Variants in TENM3 observed in about 807,000 individuals in gnomAD.
TENM3 encodes the protein teneurin-3.
A neutral mutation model predicts 255.1 loss-of-function variants in TENM3; 63 were observed. The ratio of observed to expected loss-of-function variants is 0.25; its 90% confidence interval spans 0.20 to 0.30. The LOEUF (loss-of-function observed/expected upper bound fraction) is 0.30. Ranked by LOEUF, TENM3 falls within the 10% of genes least tolerant of loss-of-function variation. TENM3 has a pLI of 1.00. For missense variants in TENM3, 2,929 were observed against 3,461.1 expected (o/e 0.85, Z 3.86); for synonymous variants, 1,306 against 1,322.3 (o/e 0.99, Z 0.27).
chr4:181,528,113 T>G, the TENM3 span, among the ~76,000 whole-genome samples: 3 of 152,154 alleles, frequency 2.0e-5, no homozygotes, highest in Non-Finnish European at 2.9e-5. Context: ...GAAATTATTT[T>G]GTCAAATGAA....
intron 1 of TENM3, among the ~76,000 whole-genome samples, chr4:182,313,092 C>G (rs1263498372): frequency 6.6e-6 from 1 of 151,656 alleles, no homozygotes; most frequent in African/African-American, 2.4e-5. Flanking sequence ...GTAAATTAAC[C>G]TTATTATCTT....
chr4:182,239,403 C>G (rs1367957601), upstream of TENM3, among the ~76,000 whole-genome samples: 1 of 152,072 alleles, frequency 6.6e-6, no homozygotes, highest in Non-Finnish European at 1.5e-5. Context: ...TAGTCCCTTA[C>G]AATATTGAAA....
chr4:182,012,075 C>T, the TENM3 span, among the ~76,000 whole-genome samples: 1 of 152,180 alleles, frequency 6.6e-6, no homozygotes, highest in African/African-American at 2.4e-5. Flanking sequence ...AGTCCCCAGC[C>T]TTCATGTCAG....
the TENM3 span, among the ~76,000 whole-genome samples, chr4:182,087,750 C>T: frequency 9.2e-5 from 14 of 152,268 alleles, no homozygotes; most frequent in East Asian, 2.7e-3. Context: ...GGCCACAGGA[C>T]GTTTGACCTA....
intron 1 of TENM3, among the ~76,000 whole-genome samples, chr4:182,243,946 C>CTTTTTTTTTTTTT (rs967487689): frequency 4.5e-4 from 33 of 72,880 alleles, no homozygotes; most frequent in Admixed American, 7.7e-4. Flanking sequence ...TTTGTGTTTT[C>CTTTTTTTTTTTTT]TTTTTTTTTT....
intron 3 of TENM3, among the ~76,000 whole-genome samples, chr4:182,509,923 G>A (rs1466693180): frequency 9.2e-6 from 1 of 109,016 alleles, no homozygotes; most frequent in African/African-American, 3.3e-5. Flanking sequence ...GACAACAAGA[G>A]CAAAACTCTG....
chr4:182,577,924 T>A (rs899848875), intron 3 of TENM3, among the ~76,000 whole-genome samples: 5 of 152,194 alleles, frequency 3.3e-5, no homozygotes, highest in Non-Finnish European at 5.9e-5. Flanking sequence ...TTTTTATTTT[T>A]AAGTTTTTGC....
chr4:182,314,060 C>A (rs1265121941), intron 1 of TENM3, among the ~76,000 whole-genome samples: 1 of 152,194 alleles, frequency 6.6e-6, no homozygotes, highest in Non-Finnish European at 1.5e-5. Flanking sequence ...TGCCTGTAAT[C>A]CCAGCAGTTG....
At chr4:182,423,682 C>A (rs1771002978) in intron 3 of TENM3, among the ~76,000 whole-genome samples, 3 of 152,056 alleles carry the variant, frequency 2.0e-5, no homozygotes, top group Admixed American at 2.0e-4. Context: ...ATTTTTGAAA[C>A]AAGAAACACC....
chr4:181,468,858 C>G, the TENM3 span, among the ~76,000 whole-genome samples: 2 of 152,192 alleles, frequency 1.3e-5, no homozygotes, highest in Non-Finnish European at 2.9e-5. Context: ...CTCACAAATA[C>G]AGTTTCTGGA....
chr4:182,332,045 T>C (rs1384581514), intron 2 of TENM3, among the ~76,000 whole-genome samples: 1 of 152,176 alleles, frequency 6.6e-6, no homozygotes, highest in African/African-American at 2.4e-5. Flanking sequence ...ATACAATTTT[T>C]TATATTTCTA....
At chr4:182,343,107 A>C (rs542123062) in intron 2 of TENM3, among the ~76,000 whole-genome samples, 1 of 152,248 alleles carries the variant, frequency 6.6e-6, no homozygotes, top group Admixed American at 6.5e-5. Context: ...GATGCAGCCC[A>C]CCTAGGTTGT....
intron 3 of TENM3, among the ~76,000 whole-genome samples, chr4:182,391,819 T>C (rs1347379765): frequency 6.6e-6 from 1 of 152,164 alleles, no homozygotes; most frequent in Non-Finnish European, 1.5e-5. Flanking sequence ...ATTTGCTCTA[T>C]GTTTCTGAAC....
At chr4:182,226,443 C>T (rs1368499249) in intron 1 of TENM3, among the ~76,000 whole-genome samples, 1 of 152,102 alleles carries the variant, frequency 6.6e-6, no homozygotes, top group Admixed American at 6.5e-5. Flanking sequence ...CCCAAATAGG[C>T]TTCTTTAACT....
chr4:182,066,254 CT>C, the TENM3 span, among the ~76,000 whole-genome samples: 3,056 of 152,034 alleles, frequency 0.02, 98 homozygotes, highest in African/African-American at 0.07. Context: ...TGACGTCAAC[CT>C]TTTTTTTATG....
At chr4:181,760,999 C>CACACACAT in the TENM3 span, among the ~76,000 whole-genome samples, 87,241 of 145,382 alleles carry the variant, frequency 0.6, 26,726 homozygotes, top group East Asian at 0.71. Context: ...CACACACACA[C>CACACACAT]ACACACACAC....
At chr4:181,848,309 G>A in the TENM3 span, among the ~76,000 whole-genome samples, 1 of 152,256 alleles carries the variant, frequency 6.6e-6, no homozygotes, top group East Asian at 1.9e-4. Context: ...TTACAAACAA[G>A]GAAACAGAAA....
chr4:182,169,074 TACAC>T (rs55885166), intron 1 of TENM3, among the ~76,000 whole-genome samples: 76 of 137,838 alleles, frequency 5.5e-4, no homozygotes, highest in African/African-American at 7.9e-4. Flanking sequence ...AATCATGCCA[TACAC>T]ACACACACAC....
chr4:181,679,958 C>A, the TENM3 span, among the ~76,000 whole-genome samples: 94 of 152,172 alleles, frequency 6.2e-4, 1 homozygote, highest in African/African-American at 2.0e-3. Flanking sequence ...ACTGAGATGA[C>A]AATTTTACCT....
Sources: allele counts gnomAD v4.1 joint callset (sites outside exome capture counted in the v4.1 genomes callset), GRCh38; gene constraint gnomAD v4.1.1; transcripts MANE v1.5; gene names NCBI Gene and HGNC (gene_info 2026-07-23, HGNC 2026-07-21).